The following MAF variants were observed in gnomAD, a reference collection of about 807,000 sequenced individuals.
The protein encoded by MAF is MAF bZIP transcription factor.
In MAF, 10 loss-of-function variants were observed where a neutral mutation model predicts 22.0. The ratio of observed to expected loss-of-function variants is 0.45; its 90% CI spans 0.28 to 0.77. The LOEUF (loss-of-function observed/expected upper bound fraction) is 0.77. Among genes scored for constraint, MAF ranks in the 30% least tolerant of loss-of-function variants. The probability of loss-of-function intolerance (pLI) is 0.12; values close to 1 mark genes in which losing one functional copy is unlikely to be tolerated. For missense variants in MAF, 544 were observed against 548.4 expected (o/e 0.99, Z 0.08); for synonymous variants, 337 against 255.8 (o/e 1.32, Z -3.03).
rs5818250 is a variant in MAF, at chr16:79,598,581, G to GGTGT, written c.1118+200_1118+203dup. The GGTGT allele has an allele frequency of 0.2, 282,260 of 1,396,022 alleles. 4,534 individuals are homozygous for GGTGT. Among genetic ancestry groups the GGTGT allele is most frequent in the East Asian group, 0.33 (12,149 of 37,176 alleles). The allele number at this position is 1,396,022 out of a possible 1,614,324, so 86.5% of individuals were successfully genotyped here. A position where few individuals can be genotyped will look rare whatever the true frequency, so the allele number is the denominator to read the frequency against. On this transcript the variant is annotated intron_variant, in intron 1 of 1. Coordinates refer to ENST00000326043, the MANE Select transcript of MAF (RefSeq NM_005360.5). ...CACCACAAACTCGAGCAGGGTGTGG[G>GGTGT]GTGTGTGTGTGTGTGTGTGTGTGTG...
the MAF span, among the ~76,000 whole-genome samples, chr16:79,239,777 A>G: frequency 6.6e-5 from 10 of 152,196 alleles, 1 homozygote; most frequent in African/African-American, 2.4e-4. Flanking sequence ...GGCACATTGT[A>G]GCTGCTCTCA....
At chr16:79,323,147 TAAAAAAAAAAAAAAAAAAAAAAAAA>T in the MAF span, among the ~76,000 whole-genome samples, 5 of 19,846 alleles carry the variant, frequency 2.5e-4, no homozygotes, top group East Asian at 4.1e-3. Flanking sequence ...AGACTCCATC[TAAAAAAAAAAAAAAAAAAAAAAAAA>T]AAAAAAAAAA....
the MAF span, among the ~76,000 whole-genome samples, chr16:79,315,517 T>C: frequency 6.6e-6 from 1 of 152,228 alleles, no homozygotes; most frequent in Non-Finnish European, 1.5e-5. Flanking sequence ...TTAAATATTT[T>C]ACATACTAAT....
chr16:79,354,659 T>G, the MAF span, among the ~76,000 whole-genome samples: 2 of 152,208 alleles, frequency 1.3e-5, no homozygotes, highest in African/African-American at 4.8e-5. Flanking sequence ...GATAGCAATG[T>G]GCCATTTTAT....
chr16:79,475,360 A>ATGTGTGTGTGTG, the MAF span, among the ~76,000 whole-genome samples: 8 of 89,894 alleles, frequency 8.9e-5, no homozygotes, highest in Middle Eastern at 7.2e-3. Context: ...GTATGTATAT[A>ATGTGTGTGTGTG]TATGTGTGTG....
the MAF span, among the ~76,000 whole-genome samples, chr16:79,223,659 A>G: frequency 6.6e-6 from 1 of 152,334 alleles, no homozygotes; most frequent in East Asian, 1.9e-4. Flanking sequence ...TAGACTCAAT[A>G]AAAAATGATA....
At chr16:79,289,796 TTC>T in the MAF span, among the ~76,000 whole-genome samples, 1 of 151,672 alleles carries the variant, frequency 6.6e-6, no homozygotes, top group African/African-American at 2.4e-5. Flanking sequence ...CCAAAGTTTG[TTC>T]TCTTAGGCAG....
At chr16:79,387,908 A>G in the MAF span, among the ~76,000 whole-genome samples, 20 of 152,362 alleles carry the variant, frequency 1.3e-4, 1 homozygote, top group Middle Eastern at 3.4e-3. Flanking sequence ...GTTTTATTCA[A>G]TGAGTCCCCA....
the MAF span, among the ~76,000 whole-genome samples, chr16:79,410,393 T>A: frequency 6.6e-6 from 1 of 152,264 alleles, no homozygotes; most frequent in Non-Finnish European, 1.5e-5. Flanking sequence ...TTAGTGGCCA[T>A]CATATTGAAC....
At chr16:79,428,147 G>A in the MAF span, among the ~76,000 whole-genome samples, 4 of 148,680 alleles carry the variant, frequency 2.7e-5, no homozygotes, top group South Asian at 8.6e-4. Flanking sequence ...CTTCCAAGAG[G>A]CTCTACTGAT....
At chr16:79,268,398 C>T in the MAF span, among the ~76,000 whole-genome samples, 1 of 152,136 alleles carries the variant, frequency 6.6e-6, no homozygotes. Flanking sequence ...GCCTCCATTT[C>T]CTCATCTGTC....
the MAF span, among the ~76,000 whole-genome samples, chr16:79,410,555 A>G: frequency 6.6e-6 from 1 of 152,210 alleles, no homozygotes; most frequent in South Asian, 2.1e-4. Context: ...GTGGAAGGAA[A>G]TACAAAGTTA....
Position 79,599,105 on chromosome 16 carries a change from C to T in MAF, c.798G>A (p.Leu266=), listed in dbSNP as rs749384822. Residue 266 remains leucine (L), a synonymous_variant, in exon 1 of 2, where the codon CTG becomes CTA. Coordinates refer to ENST00000326043, the MANE Select transcript of MAF (RefSeq NM_005360.5). ...HFDDRFSDEQ[L]VTMSVRELNR... is the part of the protein sequence containing the mutation. ...TCAGCTCGCGCACAGACATGGTCAC[C>T]AGCTGCTCGTCGGAGAAGCGGTCGT... The T allele has an allele frequency of 1.4e-5, 22 of 1,603,824 alleles. No homozygotes were observed. Among genetic ancestry groups the T allele is most frequent in the Admixed American group, 3.3e-5 (2 of 59,778 alleles).
chr16:79,264,756 C>G, the MAF span, among the ~76,000 whole-genome samples: 3 of 152,340 alleles, frequency 2.0e-5, no homozygotes, highest in African/African-American at 7.2e-5. Context: ...CTCTAGGAAA[C>G]TTACTCAGCA....
At chr16:79,447,561 C>A in the MAF span, among the ~76,000 whole-genome samples, 4 of 152,072 alleles carry the variant, frequency 2.6e-5, no homozygotes, top group African/African-American at 9.7e-5. Flanking sequence ...GTAGTGACCC[C>A]TCTGGTGGAT....
the MAF span, among the ~76,000 whole-genome samples, chr16:79,336,861 T>A: frequency 6.6e-6 from 1 of 152,236 alleles, no homozygotes; most frequent in Non-Finnish European, 1.5e-5. Flanking sequence ...GACATAATCC[T>A]GGTTTGGATT....
chr16:79,333,562 G>A, the MAF span, among the ~76,000 whole-genome samples: 5 of 152,240 alleles, frequency 3.3e-5, no homozygotes, highest in African/African-American at 7.2e-5. Context: ...TTGCTAGGTG[G>A]ACAAAAAGGC....
At chr16:79,558,239 C>T in the MAF span, among the ~76,000 whole-genome samples, 12 of 152,000 alleles carry the variant, frequency 7.9e-5, no homozygotes, top group Admixed American at 2.0e-4. Flanking sequence ...TGCATTTATA[C>T]TTGAGCTATG....
chr16:79,504,564 T>A, the MAF span, among the ~76,000 whole-genome samples: 1 of 152,158 alleles, frequency 6.6e-6, no homozygotes. Context: ...CTTACTTGAA[T>A]GGATGGATGG....
Sources: gnomAD v4.1 joint callset for allele counts (sites outside exome capture counted in the v4.1 genomes callset) on GRCh38, gnomAD v4.1.1 for gene constraint, MANE v1.5 for transcripts, NCBI Gene and HGNC (gene_info 2026-07-23, HGNC 2026-07-21) for gene names.